Variants in EXT1 observed in about 807,000 individuals in gnomAD.
The protein encoded by EXT1 is exostosin-1.
EXT1 carries 20 observed loss-of-function variants against 82.5 expected under a neutral mutation model. That is an observed-to-expected ratio of 0.24 (90% CI 0.17 to 0.35). EXT1 has a LOEUF of 0.35. Ranked by LOEUF, EXT1 falls within the 10% of genes least tolerant of loss-of-function variation. The pLI, the probability that EXT1 is intolerant of heterozygous loss-of-function variation, is 1.00. For missense variants in EXT1, 757 were observed against 936.5 expected (o/e 0.81, Z 2.50); for synonymous variants, 348 against 350.8 (o/e 0.99, Z 0.09).
At chr8:118,069,208 C>T (rs1180546655) in intron 1 of EXT1, among the ~76,000 whole-genome samples, 3 of 152,198 alleles carry the variant, frequency 2.0e-5, no homozygotes, top group Non-Finnish European at 4.4e-5. Context: ...TTGTCTTGAT[C>T]AGTATCCTGT....
intron 1 of EXT1, among the ~76,000 whole-genome samples, chr8:118,080,422 C>T (rs1378764791): frequency 6.6e-6 from 1 of 151,870 alleles, no homozygotes; most frequent in Non-Finnish European, 1.5e-5. Flanking sequence ...TAAATAACTG[C>T]CTTTTTTTTT....
rs778305500 is a variant in EXT1, at chr8:117,819,807, G to C, written c.1418-13C>G. 2 of 1,607,692 alleles carry C rather than the reference G, an allele frequency of 1.2e-6. No individual in the cohort carries two copies. The highest frequency in any genetic ancestry group is 1.7e-6 in the Non-Finnish European group (2 of 1,174,732). ...GGGGGCTTTAAACCTGAAATAAAAA[G>C]GAGAGTAGAGCCTAATGAAGCGCTG... On this transcript the variant is annotated splice_polypyrimidine_tract_variant and intron_variant, in intron 5 of 10. Transcript: ENST00000378204.
intron 1 of EXT1, among the ~76,000 whole-genome samples, chr8:117,906,553 C>T (rs909100354): frequency 3.3e-5 from 5 of 152,290 alleles, no homozygotes; most frequent in African/African-American, 1.2e-4. Flanking sequence ...CTCTCCAACA[C>T]CTTATGACCT....
chr8:117,898,532 C>T (rs1434734154), intron 1 of EXT1, among the ~76,000 whole-genome samples: 2 of 152,162 alleles, frequency 1.3e-5, no homozygotes, highest in African/African-American at 4.8e-5. Context: ...TTTGATTCAG[C>T]CATTGTTTAG....
Position 118,102,160 on chromosome 8 carries a change from G to A in EXT1, c.962+7925C>T, listed in dbSNP as rs138490796. 1.0e-2 allele frequency among the ~76,000 whole-genome samples: 1,512 copies of A among 151,942 alleles called. 15 individuals carry two copies. The highest frequency in any genetic ancestry group is 0.016 in the Non-Finnish European group (1,096 of 67,944). On this transcript the variant is annotated intron_variant, in intron 1 of 10. Coordinates refer to ENST00000378204, the MANE Select transcript of EXT1 (RefSeq NM_000127.3). ...TGGGTGCCTGTAATCCCATCTACTC[G>A]GGAGGCTGAAGCAGCAGAATCCCTT...
intron 7 of EXT1, among the ~76,000 whole-genome samples, chr8:117,817,068 T>C (rs1811835295): frequency 1.3e-5 from 2 of 152,322 alleles, no homozygotes; most frequent in Non-Finnish European, 2.9e-5. Context: ...ATGTGATTAT[T>C]CCAACATCCA....
intron 1 of EXT1, among the ~76,000 whole-genome samples, chr8:117,879,139 CA>C (rs1468145978): frequency 6.6e-6 from 1 of 152,158 alleles, no homozygotes; most frequent in African/African-American, 2.4e-5. Flanking sequence ...CAACAGCAAA[CA>C]AAACACTCAG....
chr8:118,104,424 G>A (rs1817774057), intron 1 of EXT1, among the ~76,000 whole-genome samples: 1 of 152,150 alleles, frequency 6.6e-6, no homozygotes, highest in Admixed American at 6.5e-5. Flanking sequence ...CTGTTCTGAT[G>A]ACATGGCCAC....
intron 1 of EXT1, among the ~76,000 whole-genome samples, chr8:118,086,815 T>C (rs1433754530): frequency 6.6e-6 from 1 of 152,216 alleles, no homozygotes; most frequent in Non-Finnish European, 1.5e-5. Flanking sequence ...CTACTTCCTG[T>C]AAGCAATTAG....
At chr8:118,093,986 G>A (rs1019425546) in intron 1 of EXT1, among the ~76,000 whole-genome samples, 1 of 152,198 alleles carries the variant, frequency 6.6e-6, no homozygotes, top group African/African-American at 2.4e-5. Context: ...TTCCTGATTT[G>A]CTAAGTGCCC....
chr8:117,989,013 G>A (rs1481699388), intron 1 of EXT1, among the ~76,000 whole-genome samples: 3 of 146,048 alleles, frequency 2.1e-5, no homozygotes, highest in East Asian at 2.0e-4. Context: ...GATCAATGGG[G>A]CCAGGAGTTT....
rs35823668 is a variant in EXT1, at chr8:117,829,569, C to CTTTTTTTTTTTTTTTTTTTT, written c.1284+641_1284+660dup. Among the ~76,000 whole-genome samples, 13 of 96,872 alleles carry CTTTTTTTTTTTTTTTTTTTT rather than the reference C, an allele frequency of 1.3e-4. 1 individual carries two copies. The highest frequency in any genetic ancestry group is 2.6e-4 in the Admixed American group (2 of 7,552). 63.6% of individuals were successfully genotyped at this position (96,872 alleles called of 152,430 possible). On this transcript the variant is annotated intron_variant, in intron 4 of 10. Coordinates refer to ENST00000378204, the MANE Select transcript of EXT1 (RefSeq NM_000127.3). ...TTACTTGGCCATTATATATATTTTT[C>CTTTTTTTTTTTTTTTTTTTT]TTTTTTTTTTTTTTTTTTTTTGAGG...
At chr8:117,896,207 T>C (rs1282316067) in intron 1 of EXT1, among the ~76,000 whole-genome samples, 1 of 152,210 alleles carries the variant, frequency 6.6e-6, no homozygotes, top group African/African-American at 2.4e-5. Context: ...TGCACATGCA[T>C]GCACAAATCA....
chr8:117,817,827 T>C (rs1020820496), intron 7 of EXT1, among the ~76,000 whole-genome samples: 8 of 152,132 alleles, frequency 5.3e-5, no homozygotes, highest in African/African-American at 7.2e-5. Flanking sequence ...TTGGAAGCAC[T>C]AGCAAATGGA....
chr8:117,864,451 C>T (rs1402544678), intron 1 of EXT1, among the ~76,000 whole-genome samples: 1 of 152,120 alleles, frequency 6.6e-6, no homozygotes, highest in Admixed American at 6.5e-5. Context: ...AGCTGATGAG[C>T]TTTAAAAAAA....
chr8:118,009,721 G>C (rs543186270), intron 1 of EXT1, among the ~76,000 whole-genome samples: 4 of 152,178 alleles, frequency 2.6e-5, no homozygotes, highest in Non-Finnish European at 4.4e-5. Flanking sequence ...AACTGTGCAC[G>C]TGAGGGATCT....
At chr8:117,883,143 G>C (rs1813090648) in intron 1 of EXT1, among the ~76,000 whole-genome samples, 1 of 152,176 alleles carries the variant, frequency 6.6e-6, no homozygotes, top group Non-Finnish European at 1.5e-5. Flanking sequence ...TCAATATTCA[G>C]TGAGGGGTTC....
In EXT1 at chr8:118,037,845, T is replaced by TG. The variant is rs1563636598; in HGVS notation, c.962+72239_962+72240insC. Among the ~76,000 whole-genome samples, 5 of 147,588 alleles carry TG rather than the reference T, an allele frequency of 3.4e-5. No individual in the cohort carries two copies. In the East Asian group the frequency reaches 9.7e-4, roughly 29 times the overall value. ...AACAAGAGTGTTTTTTGTTTTTTTT[T>TG]TTTTTTTTTTTTGAGATGGAGTTTC... On this transcript the variant is annotated intron_variant, in intron 1 of 10. Transcript: ENST00000378204.
At chr8:117,970,326 C>A (rs1165225731) in intron 1 of EXT1, among the ~76,000 whole-genome samples, 2 of 148,572 alleles carry the variant, frequency 1.3e-5, no homozygotes, top group Middle Eastern at 3.4e-3. Flanking sequence ...TTTTTTGACA[C>A]GGAGTCTCAC....
Sources: gnomAD v4.1 joint callset for allele counts (sites outside exome capture counted in the v4.1 genomes callset) on GRCh38, gnomAD v4.1.1 for gene constraint, MANE v1.5 for transcripts, NCBI Gene and HGNC (gene_info 2026-07-23, HGNC 2026-07-21) for gene names.